DLGAP1: variants seen among roughly 807,000 people sequenced by gnomAD.
DLGAP1 encodes the protein disks large-associated protein 1.
In DLGAP1, 11 loss-of-function variants were observed where a neutral mutation model predicts 90.8. That is an observed-to-expected ratio of 0.12 (90% CI 0.08 to 0.20). DLGAP1 has a LOEUF of 0.20. Among genes scored for constraint, DLGAP1 ranks in the 10% least tolerant of loss-of-function variants. The probability of loss-of-function intolerance (pLI) is 1.00; values close to 1 mark genes in which losing one functional copy is unlikely to be tolerated. For missense variants in DLGAP1, 1,050 were observed against 1,333.8 expected (o/e 0.79, Z 3.31); for synonymous variants, 558 against 540.7 (o/e 1.03, Z -0.44).
intron 1 of DLGAP1, chr18:4,295,244 T>C (rs2079950543): frequency 6.6e-6 from 1 of 152,204 alleles, no homozygotes; most frequent in African/African-American, 2.4e-5. Context: ...TCTGTTTCTT[T>C]ATGTTTTCTC....
At chr18:4,301,821 A>G (rs1272159646) in intron 1 of DLGAP1, among the ~76,000 whole-genome samples, 1 of 152,114 alleles carries the variant, frequency 6.6e-6, no homozygotes, top group East Asian at 1.9e-4. Context: ...TGTTTTTTTG[A>G]TAATACCCAT....
At chr18:4,358,088 A>G (rs1057458815) in intron 1 of DLGAP1, among the ~76,000 whole-genome samples, 22 of 152,332 alleles carry the variant, frequency 1.4e-4, no homozygotes, top group Non-Finnish European at 1.5e-4. Flanking sequence ...CAAAAGGCCT[A>G]CTGGAAGAAG....
At chr18:3,671,611 A>T (rs2146747912) in intron 7 of DLGAP1, among the ~76,000 whole-genome samples, 1 of 152,362 alleles carries the variant, frequency 6.6e-6, no homozygotes, top group East Asian at 1.9e-4. Context: ...AGATGGAGCC[A>T]GTTGTTTTCA....
chr18:3,809,906 G>T (rs2066749875), intron 5 of DLGAP1, among the ~76,000 whole-genome samples: 1 of 152,196 alleles, frequency 6.6e-6, no homozygotes, highest in South Asian at 2.1e-4. Flanking sequence ...CCAAGTAAGA[G>T]ACTTAAGTTC....
intron 3 of DLGAP1, among the ~76,000 whole-genome samples, chr18:3,953,432 G>GTATT (rs2073027408): frequency 6.6e-6 from 1 of 152,142 alleles, no homozygotes; most frequent in African/African-American, 2.4e-5. Context: ...AGAACAAGTG[G>GTATT]TATTTAACTT....
intron 9 of DLGAP1, among the ~76,000 whole-genome samples, chr18:3,537,475 G>T (rs1025617379): frequency 1.6e-4 from 24 of 152,130 alleles, no homozygotes; most frequent in African/African-American, 4.6e-4. Flanking sequence ...TATTCCCATT[G>T]TATGTATTTA....
intron 1 of DLGAP1, among the ~76,000 whole-genome samples, chr18:4,450,336 G>A (rs1385450152): frequency 6.6e-6 from 1 of 152,176 alleles, no homozygotes; most frequent in Non-Finnish European, 1.5e-5. Flanking sequence ...ATGAGGGTTA[G>A]TGCCAGTCCT....
At position 3,729,408 on chromosome 18, in the gene DLGAP1, C is replaced by T. The variant is rs768261044; in HGVS notation, c.1351-33G>A. On this transcript the variant is annotated intron_variant, in intron 6 of 12. Coordinates refer to ENST00000315677, the MANE Select transcript of DLGAP1 (RefSeq NM_004746.4). This position sits in a 1 kb window ranked among gnomAD's most constrained non-coding sequence, Gnocchi z 6.2. Reference sequence around the variant, plus strand: ...CAGACACAGGCGTTGTGACACTCGCCTCCACCTGGTGGAGGATCAACCTCT... The same window carrying T: ...CAGACACAGGCGTTGTGACACTCGCTTCCACCTGGTGGAGGATCAACCTCT... 1 of 1,591,816 alleles carries T rather than the reference C, an allele frequency of 6.3e-7. No homozygotes were observed.
chr18:3,651,284 A>G (rs901196036), intron 7 of DLGAP1, among the ~76,000 whole-genome samples: 3 of 150,914 alleles, frequency 2.0e-5, no homozygotes, highest in African/African-American at 7.3e-5. Context: ...GCTTGAACCC[A>G]GGAGGTGGAG....
intron 6 of DLGAP1, among the ~76,000 whole-genome samples, chr18:3,737,217 T>G (rs2062683514): frequency 6.6e-6 from 1 of 151,712 alleles, no homozygotes; most frequent in African/African-American, 2.4e-5. Context: ...TACCATTCCT[T>G]CTGAAACTAT....
At chr18:4,262,354 T>A (rs2079019959) in intron 1 of DLGAP1, among the ~76,000 whole-genome samples, 3 of 152,148 alleles carry the variant, frequency 2.0e-5, no homozygotes. Context: ...TGTGTGTGCA[T>A]GCAGGGATGC....
At chr18:4,092,644 C>T (rs544029192) in intron 2 of DLGAP1, among the ~76,000 whole-genome samples, 1 of 152,092 alleles carries the variant, frequency 6.6e-6, no homozygotes, top group East Asian at 1.9e-4. Context: ...TTTGCTGCTC[C>T]TTCTCTATCG....
chr18:4,145,577 TAAAAC>T (rs1474781612), intron 2 of DLGAP1, among the ~76,000 whole-genome samples: 4 of 152,212 alleles, frequency 2.6e-5, no homozygotes, highest in South Asian at 2.1e-4. Flanking sequence ...AAAAAACACA[TAAAAC>T]AGAACAGAAA....
rs2074937525 is a variant in DLGAP1 at position 4,039,180 on chromosome 18, G to T, written c.-158-33979C>A. ...TGGAATGCAAATTAATTTTTCTAGA[G>T]AATAAGAGAATATTCAACACCAACG... On this transcript the variant is annotated intron_variant, in intron 2 of 12. Transcript: ENST00000315677. Among the ~76,000 whole-genome samples the T allele has an allele frequency of 2.0e-5, 3 of 152,142 alleles. No individual in the cohort carries two copies. The South Asian group carries it at 6.2e-4, about 32-fold the overall frequency.
At chr18:4,251,852 C>A (rs148706093) in intron 1 of DLGAP1, among the ~76,000 whole-genome samples, 1 of 152,218 alleles carries the variant, frequency 6.6e-6, no homozygotes, top group Admixed American at 6.5e-5. Context: ...ACTTCTTTAT[C>A]TATTTCTAAG....
intron 2 of DLGAP1, among the ~76,000 whole-genome samples, chr18:4,072,917 C>T (rs2075470584): frequency 6.6e-6 from 1 of 152,170 alleles, no homozygotes; most frequent in African/African-American, 2.4e-5. Context: ...AAGTAAGTTG[C>T]ATAGGGTCCC....
chr18:3,978,295 CT>C, intron 3 of DLGAP1: 1 of 402,906 alleles, frequency 2.5e-6, no homozygotes, highest in Non-Finnish European at 4.8e-6. Flanking sequence ...GAGCCTCAGC[CT>C]TCTCCATGGT....
At chr18:4,057,882 C>T (rs1341167763) in intron 2 of DLGAP1, among the ~76,000 whole-genome samples, 3 of 152,172 alleles carry the variant, frequency 2.0e-5, no homozygotes, top group Non-Finnish European at 4.4e-5. Flanking sequence ...TTCTCCTCCC[C>T]TTTCACTATT....
At chr18:3,571,641 C>A (rs571710477) in intron 8 of DLGAP1, 1 of 152,140 alleles carries the variant, frequency 6.6e-6, no homozygotes, top group Non-Finnish European at 1.5e-5. Context: ...CATTCTCCTG[C>A]CTCAGCCTCC....
Sources: allele counts gnomAD v4.1 joint callset (sites outside exome capture counted in the v4.1 genomes callset), GRCh38; gene constraint gnomAD v4.1.1; non-coding constraint Gnocchi (gnomAD v3.1); transcripts MANE v1.5; gene names NCBI Gene and HGNC (gene_info 2026-07-23, HGNC 2026-07-21).